Variants in VBP1 observed in about 807,000 individuals in gnomAD.
VBP1 encodes prefoldin subunit 3.
In VBP1, 4 loss-of-function variants were observed where a neutral mutation model predicts 15.5. That is an observed-to-expected ratio of 0.26 (90% CI 0.13 to 0.59). VBP1 has a LOEUF of 0.59. VBP1 is among the 20% of genes least tolerant of loss of function. The pLI, the probability that VBP1 is intolerant of heterozygous loss-of-function variation, is 0.90. For synonymous variants in VBP1, 61 were observed against 52.1 expected, an observed-to-expected ratio of 1.17 and a Z score of -0.74; for missense variants, 108 against 139.6, an observed-to-expected ratio of 0.77 and a Z score of 1.14.
upstream of VBP1, among the ~76,000 whole-genome samples, chrX:155,214,944 G>C (rs1433771623): frequency 2.7e-5 from 3 of 110,305 alleles, no homozygotes; most frequent in African/African-American, 9.9e-5. Flanking sequence ...GGAATCTTCT[G>C]TTTGTACCTG....
intron 4 of VBP1, among the ~76,000 whole-genome samples, chrX:155,234,278 G>A (rs782572251): frequency 1.8e-4 from 20 of 108,738 alleles, no homozygotes; most frequent in Non-Finnish European, 3.8e-4. Flanking sequence ...GTGCCACCAC[G>A]CCCAGCTAAT....
At chrX:155,204,171 G>A (rs939544645) in intron 1 of VBP1, among the ~76,000 whole-genome samples, 2 of 109,823 alleles carry the variant, frequency 1.8e-5, no homozygotes, top group South Asian at 7.7e-4. Context: ...TTTTTTTTTT[G>A]AGATGGAGTT....
At chrX:155,221,278 G>A (rs1244326720) in intron 2 of VBP1, among the ~76,000 whole-genome samples, 2 of 111,194 alleles carry the variant, frequency 1.8e-5, no homozygotes, top group African/African-American at 3.3e-5. Context: ...GTTGTAGTGA[G>A]CCGAGATTGT....
intron 1 of VBP1, among the ~76,000 whole-genome samples, chrX:155,203,925 C>G (rs2124040893): frequency 9.0e-6 from 1 of 111,373 alleles, no homozygotes; most frequent in African/African-American, 3.3e-5. Context: ...GACTATATCA[C>G]AAGATTGGAA....
intron 4 of VBP1, among the ~76,000 whole-genome samples, chrX:155,234,770 G>A (rs781901584): frequency 9.8e-5 from 11 of 111,922 alleles, no homozygotes; most frequent in African/African-American, 2.6e-4. Flanking sequence ...TTACTCATTC[G>A]TCTGATAAGT....
intron 2 of VBP1, among the ~76,000 whole-genome samples, chrX:155,221,734 A>C (rs1602882997): frequency 8.9e-6 from 1 of 112,167 alleles, no homozygotes; most frequent in African/African-American, 3.2e-5. Context: ...TTGGAGGCAG[A>C]CTAAAGTGAG....
At chrX:155,217,375 TAGTTGAAAACTATTTGACTAATG>T (rs1481220503) in intron 1 of VBP1, among the ~76,000 whole-genome samples, 1 of 112,442 alleles carries the variant, frequency 8.9e-6, no homozygotes, top group African/African-American at 3.2e-5. Flanking sequence ...TTAGAAATAG[TAGTTGAAAACTATTTGACTAATG>T]AGAGAAAACA....
chrX:155,207,894 T>C (rs2074631517), intron 1 of VBP1, among the ~76,000 whole-genome samples: 1 of 112,272 alleles, frequency 8.9e-6, no homozygotes, highest in Admixed American at 9.5e-5. Flanking sequence ...CATTGATAGA[T>C]GAAGATGAAC....
At chrX:155,200,397 A>G (rs9699252) in intron 1 of VBP1, among the ~76,000 whole-genome samples, 1,118 of 109,691 alleles carry the variant, frequency 0.01, 8 homozygotes, top group African/African-American at 0.029. Context: ...AACAGAAATT[A>G]TAACAAACTG....
chrX:155,206,143 AG>A (rs782377395), intron 1 of VBP1, among the ~76,000 whole-genome samples: 136 of 112,358 alleles, frequency 1.2e-3, no homozygotes, highest in African/African-American at 4.0e-3. Context: ...AATTTGCAGC[AG>A]GGAAGAAGAA....
chrX:155,232,277 C>T (rs782025417), intron 4 of VBP1, among the ~76,000 whole-genome samples: 15 of 105,779 alleles, frequency 1.4e-4, no homozygotes, highest in East Asian at 2.9e-4. Context: ...TTATGTATTT[C>T]GGATGCACAG....
intron 1 of VBP1, 25 bp from the exon 2 acceptor site, chrX:155,220,158 T>C: frequency 8.5e-7 from 1 of 1,179,892 alleles, no homozygotes. Flanking sequence ...CTAAAATTTG[T>C]AAAGTATTAT....
intron 1 of VBP1, among the ~76,000 whole-genome samples, chrX:155,199,633 AG>A (rs2074593718): frequency 9.0e-6 from 1 of 111,383 alleles, no homozygotes; most frequent in Non-Finnish European, 1.9e-5. Context: ...AGGAACAACC[AG>A]TACCAGCCAC....
chrX:155,209,118 C>A, intron 2 of VBP1: 1 of 558,049 alleles, frequency 1.8e-6, no homozygotes. Context: ...AAGCATAGTT[C>A]TAACATTTTC....
At chrX:155,200,373 A>G (rs1350105651) in intron 1 of VBP1, among the ~76,000 whole-genome samples, 3 of 107,790 alleles carry the variant, frequency 2.8e-5, no homozygotes, top group African/African-American at 1.0e-4. Context: ...AGCTCTCCTC[A>G]GCAAATGTAA....
intron 2 of VBP1, among the ~76,000 whole-genome samples, chrX:155,223,102 A>G (rs1308807562): frequency 2.4e-5 from 2 of 83,641 alleles, no homozygotes; most frequent in Non-Finnish European, 4.5e-5. Flanking sequence ...TGTAGTTTAC[A>G]TGCTAGCCTT....
intron 1 of VBP1, among the ~76,000 whole-genome samples, chrX:155,199,226 G>A: frequency 9.0e-6 from 1 of 110,685 alleles, no homozygotes; most frequent in South Asian, 3.8e-4. Flanking sequence ...TAGCAAGGCA[G>A]GCCAACATTC....
At chrX:155,229,760 A>G (rs1212660911) in intron 4 of VBP1, among the ~76,000 whole-genome samples, 2 of 111,994 alleles carry the variant, frequency 1.8e-5, no homozygotes, top group Non-Finnish European at 3.8e-5. Flanking sequence ...CCACTCATAG[A>G]CTGGCACTTC....
In VBP1 at chrX:155,203,152, A is replaced by C. The variant is rs781872027; in HGVS notation, c.-30-5722A>C. Among the ~76,000 whole-genome samples, 30 of 111,592 alleles carry C rather than the reference A, an allele frequency of 2.7e-4. 1 individual carries two copies. In the South Asian group the frequency reaches 0.011, roughly 41 times the overall value. ...TGTGGAGAAATAGGAACATTTTTAC[A>C]CTGTTGGTGGGACTGTAAACTAGTT... On this transcript the variant is annotated intron_variant, in intron 1 of 6. Coordinates refer to the VBP1 transcript ENST00000535916.
Sources: gnomAD v4.1 joint callset for allele counts (sites outside exome capture counted in the v4.1 genomes callset) on GRCh38, gnomAD v4.1.1 for gene constraint, MANE v1.5 for transcripts, NCBI Gene and HGNC (gene_info 2026-07-23, HGNC 2026-07-21) for gene names.